Variants in PALLD observed in about 807,000 individuals in gnomAD.
PALLD encodes palladin, cytoskeletal associated protein.
A neutral mutation model predicts 123.5 loss-of-function variants in PALLD; 61 were observed. The ratio of observed to expected loss-of-function variants is 0.49; its 90% CI spans 0.40 to 0.61. The LOEUF (loss-of-function observed/expected upper bound fraction) is 0.61. Among genes scored for constraint, PALLD ranks in the 20% least tolerant of loss-of-function variants. The pLI is 0.00. For missense variants in PALLD, 1,273 were observed against 1,377.0 expected (o/e 0.92, Z 1.20); for synonymous variants, 465 against 496.4 (o/e 0.94, Z 0.84).
intron 18 of PALLD, among the ~76,000 whole-genome samples, chr4:168,922,143 A>C (rs973034174): frequency 6.8e-6 from 1 of 147,902 alleles, no homozygotes; most frequent in African/African-American, 2.5e-5. Flanking sequence ...ACACACACAC[A>C]CCTGGTTTTT....
At chr4:168,601,769 C>A (rs951094373) in intron 2 of PALLD, among the ~76,000 whole-genome samples, 4 of 152,126 alleles carry the variant, frequency 2.6e-5, no homozygotes, top group Non-Finnish European at 4.4e-5. Flanking sequence ...TCATTCCTTG[C>A]TGGAAAAGAA....
chr4:168,774,989 T>C (rs74832441), intron 10 of PALLD, among the ~76,000 whole-genome samples: 3,215 of 152,282 alleles, frequency 0.021, 52 homozygotes, highest in South Asian at 0.041. Context: ...AATACCTCAT[T>C]CCTTTTTATT....
chr4:168,738,708 G>A (rs1156652332), intron 10 of PALLD, among the ~76,000 whole-genome samples: 1 of 150,550 alleles, frequency 6.6e-6, no homozygotes, highest in Non-Finnish European at 1.5e-5. Context: ...TGGGGTTACA[G>A]GCGTGAGCCA....
At chr4:168,685,081 T>C (rs1781899274) in intron 5 of PALLD, among the ~76,000 whole-genome samples, 1 of 152,234 alleles carries the variant, frequency 6.6e-6, no homozygotes, top group Non-Finnish European at 1.5e-5. Context: ...AGATGTTTGA[T>C]AATTTACCCT....
chr4:168,721,325 T>G (rs898215264), intron 10 of PALLD, among the ~76,000 whole-genome samples: 1 of 152,090 alleles, frequency 6.6e-6, no homozygotes, highest in African/African-American at 2.4e-5. Flanking sequence ...AGCTCAGAGA[T>G]AAGATGGAGC....
rs1174658665 is a variant in PALLD at position 168,576,433 on chromosome 4, T to G, written c.908+64021T>G. ...CTGGTGTGTGATGTTCCCCTCCCTG[T>G]GTCCATGTGTTCTCATTGTTCAATT... On this transcript the variant is annotated intron_variant, in intron 2 of 21. Coordinates refer to ENST00000505667, the MANE Select transcript of PALLD (RefSeq NM_001166108.2). 7.9e-5 allele frequency among the ~76,000 whole-genome samples: 12 copies of G among 152,012 alleles called. No individual in the cohort carries two copies. The East Asian group carries it at 2.3e-3, about 29-fold the overall frequency.
At chr4:168,549,892 C>A (rs1181558164) in intron 2 of PALLD, among the ~76,000 whole-genome samples, 1 of 152,174 alleles carries the variant, frequency 6.6e-6, no homozygotes, top group Non-Finnish European at 1.5e-5. Flanking sequence ...CAATGAAATT[C>A]TATCCCCAAA....
intron 10 of PALLD, among the ~76,000 whole-genome samples, chr4:168,751,664 A>G (rs1731079599): frequency 6.6e-6 from 1 of 152,252 alleles, no homozygotes; most frequent in Admixed American, 6.5e-5. Flanking sequence ...CACGGACTCC[A>G]CAGTTTAACC....
At position 168,903,791 on chromosome 4, in the gene PALLD, C is replaced by G. The variant is rs1464837952; in HGVS notation, c.2507C>G (p.Pro836Arg). Residue 836 changes from proline (P) to arginine (R), a missense_variant, in exon 15 of 22, where the codon CCA becomes CGA. By Grantham distance (103) the Pro-to-Arg change is moderately radical. This residue lies in a region of PALLD where 329 missense variants were observed against 422.5 expected (regional missense o/e 0.78). Coordinates refer to ENST00000505667, the MANE Select transcript of PALLD (RefSeq NM_001166108.2). ...YWFKDGKQIS[P>R]KSDHYTIQRD... ...TTTAAAGATGGGAAGCAGATCTCTC[C>G]AAAGAGTGATCACTACACCATTCAA... is the stretch of plus-strand genomic sequence containing the variant. 1 of 1,611,102 alleles carries G rather than the reference C, an allele frequency of 6.2e-7. No individual in the cohort carries two copies. Among genetic ancestry groups the G allele is most frequent in the Admixed American group, 1.7e-5 (1 of 60,004 alleles).
chr4:168,843,978 G>A (rs1192317703), intron 10 of PALLD: 1 of 152,216 alleles, frequency 6.6e-6, no homozygotes, highest in Non-Finnish European at 1.5e-5. Flanking sequence ...AAGAACTTTA[G>A]TGAAAGTGAA....
chr4:168,615,974 T>C (rs1216627660), intron 2 of PALLD, among the ~76,000 whole-genome samples: 1 of 152,194 alleles, frequency 6.6e-6, no homozygotes, highest in Non-Finnish European at 1.5e-5. Flanking sequence ...GAAGGAATGG[T>C]AGTGTTCCCA....
intron 2 of PALLD, among the ~76,000 whole-genome samples, chr4:168,532,402 T>G (rs190938268): frequency 2.0e-5 from 3 of 152,296 alleles, no homozygotes; most frequent in Admixed American, 6.5e-5. Flanking sequence ...TAGCCAGGTA[T>G]TATAGGAAAA....
intron 2 of PALLD, among the ~76,000 whole-genome samples, chr4:168,602,584 C>T (rs1772775874): frequency 6.6e-6 from 1 of 152,166 alleles, no homozygotes; most frequent in South Asian, 2.1e-4. Flanking sequence ...AGCTCTGTTG[C>T]TCAGCGTATG....
intron 2 of PALLD, among the ~76,000 whole-genome samples, chr4:168,551,149 G>GT (rs1561237340): frequency 6.6e-6 from 1 of 151,756 alleles, no homozygotes; most frequent in Non-Finnish European, 1.5e-5. Context: ...TGGGTAGTCT[G>GT]TTTTTTTCAA....
chr4:168,887,079 T>A (rs1753444123), intron 10 of PALLD, among the ~76,000 whole-genome samples: 1 of 133,548 alleles, frequency 7.5e-6, no homozygotes, highest in Admixed American at 8.9e-5. Context: ...ATGGTGCCAC[T>A]GCACTCCAGC....
chr4:168,921,129 G>C (rs199698081), intron 17 of PALLD, among the ~76,000 whole-genome samples: 1 of 152,052 alleles, frequency 6.6e-6, no homozygotes, highest in South Asian at 2.1e-4. Context: ...CTCTTGGCCC[G>C]GTGCAATGGC....
intron 10 of PALLD, among the ~76,000 whole-genome samples, chr4:168,764,208 G>A (rs769644865): frequency 3.3e-5 from 5 of 152,156 alleles, no homozygotes; most frequent in African/African-American, 7.2e-5. Context: ...ATGAATAAAC[G>A]TATGAATGAA....
At chr4:168,899,986 G>A (rs1386849621) in intron 14 of PALLD, among the ~76,000 whole-genome samples, 1 of 152,046 alleles carries the variant, frequency 6.6e-6, no homozygotes, top group African/African-American at 2.4e-5. Context: ...CAGAAGTGTA[G>A]TACCAGAATC....
chr4:168,772,175 G>A (rs905261381), intron 10 of PALLD, among the ~76,000 whole-genome samples: 9 of 152,168 alleles, frequency 5.9e-5, no homozygotes, highest in African/African-American at 1.7e-4. Context: ...GACCAGAGGT[G>A]CAATAACTTT....
Sources: gnomAD v4.1 joint callset for allele counts (sites outside exome capture counted in the v4.1 genomes callset) on GRCh38, gnomAD v4.1.1 for gene constraint, gnomAD v4.1.1 regional missense constraint, MANE v1.5 for transcripts, NCBI Gene and HGNC (gene_info 2026-07-23, HGNC 2026-07-21) for gene names.